KCNH1: variants seen among roughly 807,000 people sequenced by gnomAD.
KCNH1 encodes the protein voltage-gated delayed rectifier potassium channel KCNH1.
In KCNH1, 27 loss-of-function variants were observed where a neutral mutation model predicts 69.2. The observed-to-expected ratio is 0.39, with a 90% CI of 0.29 to 0.54. The LOEUF (loss-of-function observed/expected upper bound fraction) is 0.54, where lower values mean the gene tolerates loss of function less well. KCNH1 is among the 20% of genes least tolerant of loss of function. The pLI, the probability that KCNH1 is intolerant of heterozygous loss-of-function variation, is 0.68. For synonymous variants in KCNH1, 456 were observed against 487.7 expected (o/e 0.93, Z 0.86); for missense variants, 798 against 1,261.6 (o/e 0.63, Z 5.57).
At chr1:211,096,214 C>T (rs1009452716) in intron 3 of KCNH1, among the ~76,000 whole-genome samples, 10 of 152,122 alleles carry the variant, frequency 6.6e-5, no homozygotes, top group Non-Finnish European at 1.5e-4. Context: ...TAGGTGCCCA[C>T]CACCGCACCC....
intron 7 of KCNH1, among the ~76,000 whole-genome samples, chr1:210,854,102 G>C (rs1410363840): frequency 6.6e-6 from 1 of 152,134 alleles, no homozygotes; most frequent in Non-Finnish European, 1.5e-5. Context: ...GCTATGTTAA[G>C]TAGGAAAAAT....
chr1:210,832,274 A>G (rs1234268346), intron 7 of KCNH1, among the ~76,000 whole-genome samples: 3 of 152,178 alleles, frequency 2.0e-5, no homozygotes, highest in Admixed American at 1.3e-4. Flanking sequence ...GCCTGCTTAG[A>G]TGTTTGAGAG....
At chr1:210,924,514 C>T (rs1687528463) in intron 6 of KCNH1, among the ~76,000 whole-genome samples, 2 of 152,158 alleles carry the variant, frequency 1.3e-5, no homozygotes, top group African/African-American at 4.8e-5. Flanking sequence ...TTGTCTAATG[C>T]ATTTTAAGCT....
intron 2 of KCNH1, among the ~76,000 whole-genome samples, chr1:211,106,830 A>G (rs1008271186): frequency 2.6e-5 from 4 of 152,160 alleles, no homozygotes; most frequent in African/African-American, 9.7e-5. Context: ...GAAAAGCTCT[A>G]TGAACAAGGC....
intron 6 of KCNH1, among the ~76,000 whole-genome samples, chr1:210,921,763 G>A (rs1687463805): frequency 1.3e-5 from 2 of 152,092 alleles, no homozygotes; most frequent in African/African-American, 2.4e-5. Context: ...GTGAGGCCTC[G>A]CATTGAAGGT....
At chr1:210,827,351 G>GC (rs1553348655) in intron 7 of KCNH1, among the ~76,000 whole-genome samples, 3 of 151,412 alleles carry the variant, frequency 2.0e-5, no homozygotes, top group Non-Finnish European at 4.4e-5. Context: ...AAAAGAAAAA[G>GC]AAAAAAAAGA....
intron 6 of KCNH1, among the ~76,000 whole-genome samples, chr1:210,954,152 G>A (rs1283970313): frequency 2.0e-5 from 3 of 151,952 alleles, no homozygotes; most frequent in Admixed American, 6.6e-5. Context: ...GAGAACATGC[G>A]GTGTTTGGTT....
chr1:210,699,739 T>C lies in KCNH1; in HGVS notation c.2113-15601A>G, dbSNP rs2884333. Among the ~76,000 whole-genome samples, 807 of 152,324 alleles carry C rather than the reference T, an allele frequency of 5.3e-3. 4 individuals are homozygous for C. Among genetic ancestry groups the C allele is most frequent in the African/African-American group, 0.019 (777 of 41,566 alleles). ...GGAGCCCATTCTACACATGACTTTT[T>C]CCTGGAGTAAAGAATAATAAAAAGT... is the stretch of plus-strand genomic sequence containing the variant. On this transcript the variant is annotated intron_variant, in intron 10 of 10. Transcript: ENST00000271751.
chr1:210,687,747 C>T (rs77632206), intron 10 of KCNH1, among the ~76,000 whole-genome samples: 5,901 of 152,256 alleles, frequency 0.039, 176 homozygotes, highest in Middle Eastern at 0.078. Context: ...GCCATGACCA[C>T]GCATTTTGCC....
intron 7 of KCNH1, among the ~76,000 whole-genome samples, chr1:210,839,413 C>T (rs908611629): frequency 6.6e-6 from 1 of 151,834 alleles, no homozygotes; most frequent in Non-Finnish European, 1.5e-5. Context: ...ACAACAAATA[C>T]TGGGGCCTGT....
intron 7 of KCNH1, among the ~76,000 whole-genome samples, chr1:210,892,058 G>C (rs78327085): frequency 6.2e-4 from 94 of 152,216 alleles, no homozygotes; most frequent in African/African-American, 2.0e-3. Flanking sequence ...ACTGGGGCCT[G>C]TCAGGCGGTC....
intron 7 of KCNH1, among the ~76,000 whole-genome samples, chr1:210,806,836 AATATAT>A (rs1553346590): frequency 8.2e-5 from 7 of 85,688 alleles, no homozygotes; most frequent in African/African-American, 3.6e-4. Context: ...AAAAAAAAAA[AATATAT>A]ATATATATAT....
At chr1:211,010,846 A>T (rs1000352238) in intron 6 of KCNH1, among the ~76,000 whole-genome samples, 1 of 152,160 alleles carries the variant, frequency 6.6e-6, no homozygotes, top group Non-Finnish European at 1.5e-5. Flanking sequence ...GAGCCAAGAA[A>T]AGTTGGTAGG....
chr1:210,779,879 G>T (rs535084165), intron 9 of KCNH1, among the ~76,000 whole-genome samples: 2 of 152,322 alleles, frequency 1.3e-5, no homozygotes, highest in South Asian at 4.1e-4. Context: ...ACATCCCTGT[G>T]GGGTACCAAT....
At chr1:210,908,261 G>A (rs1224342563) in intron 7 of KCNH1, among the ~76,000 whole-genome samples, 1 of 152,204 alleles carries the variant, frequency 6.6e-6, no homozygotes, top group Non-Finnish European at 1.5e-5. Flanking sequence ...TATTTGTGGA[G>A]GGGAGAGAGA....
chr1:211,091,344 G>A (rs1333293375), intron 3 of KCNH1, among the ~76,000 whole-genome samples: 3 of 151,912 alleles, frequency 2.0e-5, no homozygotes, highest in Non-Finnish European at 2.9e-5. Context: ...CACCATGCCC[G>A]GGTAATTTTT....
chr1:211,065,602 C>T (rs1690515458), intron 5 of KCNH1, among the ~76,000 whole-genome samples: 1 of 151,950 alleles, frequency 6.6e-6, no homozygotes, highest in African/African-American at 2.4e-5. Flanking sequence ...AGTATTGTAT[C>T]CTTAAAAATT....
intron 5 of KCNH1, among the ~76,000 whole-genome samples, chr1:211,041,166 C>T (rs192503942): frequency 6.6e-5 from 10 of 152,310 alleles, no homozygotes; most frequent in Admixed American, 2.6e-4. Context: ...CACCTTCCAA[C>T]GCATCCCAAT....
At chr1:210,827,912 C>T (rs1685067470) in intron 7 of KCNH1, among the ~76,000 whole-genome samples, 1 of 152,110 alleles carries the variant, frequency 6.6e-6, no homozygotes, top group Non-Finnish European at 1.5e-5. Flanking sequence ...GTGATCTCGG[C>T]CGATGGCAAC....
Sources: allele counts gnomAD v4.1 joint callset (sites outside exome capture counted in the v4.1 genomes callset), GRCh38; gene constraint gnomAD v4.1.1; transcripts MANE v1.5; gene names NCBI Gene and HGNC (gene_info 2026-07-23, HGNC 2026-07-21).